Variants in CDH18 observed in about 807,000 individuals in gnomAD.
CDH18 encodes cadherin-18.
A neutral mutation model predicts 67.9 loss-of-function variants in CDH18; 31 were observed. The observed-to-expected ratio is 0.46, with a 90% CI of 0.34 to 0.62. CDH18 has a LOEUF of 0.62. Ranked by LOEUF, CDH18 falls within the 20% of genes least tolerant of loss-of-function variation. CDH18 has a pLI of 0.01. For synonymous variants in CDH18, 362 were observed against 347.2 expected, an observed-to-expected ratio of 1.04 and a Z score of -0.48; for missense variants, 890 against 975.5, an observed-to-expected ratio of 0.91 and a Z score of 1.17.
intron 10 of CDH18, among the ~76,000 whole-genome samples, chr5:19,515,822 C>A (rs556705639): frequency 1.3e-5 from 2 of 152,246 alleles, no homozygotes; most frequent in Non-Finnish European, 2.9e-5. Flanking sequence ...TTCCTCTCTT[C>A]CTAATTAAAT....
chr5:20,371,848 T>A (rs73058709), intron 1 of CDH18, among the ~76,000 whole-genome samples: 8,398 of 152,210 alleles, frequency 0.055, 328 homozygotes, highest in African/African-American at 0.099. Flanking sequence ...AGAAGAACAA[T>A]GCAGGGAGAG....
chr5:19,994,724 TATATATATATATATAGAG>T (rs1561695615), intron 2 of CDH18, among the ~76,000 whole-genome samples: 2 of 23,960 alleles, frequency 8.3e-5, no homozygotes, highest in Non-Finnish European at 1.5e-4. Context: ...TATATATATA[TATATATATATATATAGAG>T]AGAGAGAGAG....
intron 2 of CDH18, among the ~76,000 whole-genome samples, chr5:19,900,622 T>G (rs2150110940): frequency 6.6e-6 from 1 of 152,286 alleles, no homozygotes; most frequent in Non-Finnish European, 1.5e-5. Flanking sequence ...ATAAACAAGA[T>G]ATTGCCAAGC....
chr5:20,095,589 G>GAAGAAAGACAGAAAGA (rs1745916739), intron 2 of CDH18, among the ~76,000 whole-genome samples: 1 of 141,744 alleles, frequency 7.1e-6, no homozygotes, highest in African/African-American at 2.6e-5. Flanking sequence ...AGGAAGAAAG[G>GAAGAAAGACAGAAAGA]AAGAAAGAAG....
chr5:19,520,661 C>T lies in CDH18; in HGVS notation c.1508G>A (p.Gly503Asp). Residue 503 changes from glycine (G) to aspartate (D), a missense_variant, in exon 10 of 13, where the codon GGC (glycine) becomes GAC (aspartate). This residue lies in a region of CDH18 where 656 missense variants were observed against 668.1 expected (regional missense o/e 0.98). Coordinates refer to ENST00000382275, the MANE Select transcript of CDH18 (RefSeq NM_004934.5). ...GGAAGGAAACAATTAACTTACCTGG[C>T]CAGGCTTAGAATTTTCACATACAAT... is the stretch of plus-strand genomic sequence containing the variant. ...DIIVCENSKP[G>D]QVIHTISATD... 1.9e-6 allele frequency: 3 copies of T among 1,608,518 alleles called. No individual in the cohort carries two copies. The highest frequency in any genetic ancestry group is 2.5e-6 in the Non-Finnish European group (3 of 1,177,870).
At chr5:19,848,543 T>A (rs1270535313) in intron 2 of CDH18, among the ~76,000 whole-genome samples, 1 of 152,130 alleles carries the variant, frequency 6.6e-6, no homozygotes, top group Non-Finnish European at 1.5e-5. Flanking sequence ...GGGCTTTCTA[T>A]TCTACCATAT....
chr5:19,977,895 T>A (rs889700570), intron 2 of CDH18, among the ~76,000 whole-genome samples: 1 of 152,146 alleles, frequency 6.6e-6, no homozygotes, highest in African/African-American at 2.4e-5. Context: ...ATATTCTCAT[T>A]CTAAGCCAAT....
chr5:20,259,331 C>T (rs1744475344), intron 1 of CDH18, among the ~76,000 whole-genome samples: 1 of 152,088 alleles, frequency 6.6e-6, no homozygotes, highest in Non-Finnish European at 1.5e-5. Flanking sequence ...CCAATCAGAG[C>T]TTTTAAATGA....
intron 8 of CDH18, among the ~76,000 whole-genome samples, chr5:19,546,547 G>T (rs1256713777): frequency 6.6e-6 from 1 of 152,148 alleles, no homozygotes; most frequent in Admixed American, 6.5e-5. Context: ...AAGATGAAAA[G>T]CTGGGTAGAA....
At chr5:19,773,844 T>C (rs1394919249) in intron 3 of CDH18, among the ~76,000 whole-genome samples, 1 of 152,048 alleles carries the variant, frequency 6.6e-6, no homozygotes, top group Non-Finnish European at 1.5e-5. Flanking sequence ...AGGATTCACA[T>C]ATTGCAGTTA....
At chr5:20,142,378 T>A (rs1347526) in intron 2 of CDH18, among the ~76,000 whole-genome samples, 129,889 of 151,798 alleles carry the variant, frequency 0.86, 56,800 homozygotes, top group Non-Finnish European at 0.94. Context: ...CTAGGAATTC[T>A]AGACCCACCT....
intron 1 of CDH18, among the ~76,000 whole-genome samples, chr5:20,450,250 A>G (rs1189719453): frequency 2.0e-5 from 3 of 152,016 alleles, no homozygotes; most frequent in Non-Finnish European, 4.4e-5. Flanking sequence ...GGGAGGCTGA[A>G]GCAGGAGAAT....
At chr5:20,018,366 CAT>C (rs1738076167) in intron 2 of CDH18, among the ~76,000 whole-genome samples, 1 of 152,048 alleles carries the variant, frequency 6.6e-6, no homozygotes, top group Admixed American at 6.6e-5. Context: ...TAGAAATAGA[CAT>C]AGAGTTTTAG....
chr5:20,007,518 C>T (rs147737084), intron 2 of CDH18, among the ~76,000 whole-genome samples: 16 of 151,852 alleles, frequency 1.1e-4, no homozygotes, highest in Middle Eastern at 3.4e-3. Context: ...TCTTTGAATA[C>T]GAAAGGAATT....
chr5:20,268,201 T>A (rs1449533833), intron 1 of CDH18, among the ~76,000 whole-genome samples: 1 of 152,226 alleles, frequency 6.6e-6, no homozygotes, highest in Admixed American at 6.5e-5. Context: ...CCATTACTGA[T>A]GGACACCTAG....
At chr5:20,237,624 TATAAAAACTATAAAACAGTG>T (rs1742578469) in intron 2 of CDH18, among the ~76,000 whole-genome samples, 1 of 151,844 alleles carries the variant, frequency 6.6e-6, no homozygotes, top group Non-Finnish European at 1.5e-5. Flanking sequence ...ATATCTGTAC[TATAAAAACTATAAAACAGTG>T]ATGAGACTAA....
At chr5:20,002,769 G>T (rs1736554407) in intron 2 of CDH18, among the ~76,000 whole-genome samples, 1 of 152,066 alleles carries the variant, frequency 6.6e-6, no homozygotes, top group Non-Finnish European at 1.5e-5. Flanking sequence ...AAAGCAAAAG[G>T]CAGGACTAAA....
chr5:19,672,052 G>A (rs1580799513), intron 5 of CDH18, among the ~76,000 whole-genome samples: 1 of 152,098 alleles, frequency 6.6e-6, no homozygotes. Context: ...ACAATATGTT[G>A]TTTTTGAAAA....
At chr5:19,863,018 C>CA (rs200024690) in intron 2 of CDH18, among the ~76,000 whole-genome samples, 360 of 31,106 alleles carry the variant, frequency 0.012, no homozygotes, top group Non-Finnish European at 0.023. Flanking sequence ...GTTTTTTTAA[C>CA]GGGGGAAAAA....
Sources: gnomAD v4.1 joint callset for allele counts (sites outside exome capture counted in the v4.1 genomes callset) on GRCh38, gnomAD v4.1.1 for gene constraint, gnomAD v4.1.1 regional missense constraint, MANE v1.5 for transcripts, NCBI Gene and HGNC (gene_info 2026-07-23, HGNC 2026-07-21) for gene names.